KIF9: variants seen among roughly 807,000 people sequenced by gnomAD.
The protein encoded by KIF9 is kinesin-like protein KIF9.
A neutral mutation model predicts 94.8 loss-of-function variants in KIF9; 68 were observed. The ratio of observed to expected loss-of-function variants is 0.72; its 90% confidence interval spans 0.59 to 0.88. The LOEUF (loss-of-function observed/expected upper bound fraction) is 0.88. KIF9 is among the 40% of genes least tolerant of loss of function. The pLI, the probability that KIF9 is intolerant of heterozygous loss-of-function variation, is 0.00. For synonymous variants in KIF9, 343 were observed against 362.1 expected (o/e 0.95, Z 0.60); for missense variants, 882 against 982.5 (o/e 0.90, Z 1.37).
At position 47,256,217 on chromosome 3, in the gene KIF9, G is replaced by A. The variant is rs536127595; in HGVS notation, c.1059+1266C>T. 7.1e-3 allele frequency among the ~76,000 whole-genome samples: 1,078 copies of A among 152,098 alleles called. 16 individuals carry two copies. The highest frequency in any genetic ancestry group is 0.024 in the African/African-American group (1,012 of 41,478). The stretch of plus-strand genomic sequence containing the variant: ...AAGTGAGGAGCGTCTCTGCGTGGCC[G>A]CCCATCGTCTGGGATGTGAGGAGCC... On this transcript the variant is annotated intron_variant, in intron 10 of 20. Coordinates refer to ENST00000684063, the MANE Select transcript of KIF9 (RefSeq NM_182902.4).
intron 20 of KIF9, chr3:47,231,664 GC>G (rs1040667208): frequency 9.9e-5 from 15 of 151,938 alleles, no homozygotes; most frequent in African/African-American, 3.6e-4. Context: ...CAAGTGATCT[GC>G]CCGCCTCAGC....
At chr3:47,273,798 C>T in intron 3 of KIF9, 140 bp from the exon 4 acceptor site, 1 of 744,654 alleles carries the variant, frequency 1.3e-6, no homozygotes, top group South Asian at 1.5e-5. Context: ...TCAGGAATTC[C>T]ACCATGGAAG....
intron 17 of KIF9, among the ~76,000 whole-genome samples, chr3:47,238,132 CAA>C (rs1352681660): frequency 6.6e-6 from 1 of 152,064 alleles, no homozygotes; most frequent in East Asian, 1.9e-4. Flanking sequence ...TTACTGGCCT[CAA>C]GTTCTTTTAC....
chr3:47,263,119 A>AC (rs1701086550), intron 9 of KIF9, among the ~76,000 whole-genome samples: 1 of 151,180 alleles, frequency 6.6e-6, no homozygotes, highest in African/African-American at 2.4e-5. Context: ...CTGGTCTTGA[A>AC]CTCCTGACCT....
intron 10 of KIF9, among the ~76,000 whole-genome samples, chr3:47,251,698 A>C (rs1405706988): frequency 6.6e-6 from 1 of 152,244 alleles, no homozygotes; most frequent in Admixed American, 6.5e-5. Flanking sequence ...AATTCTGCTT[A>C]AGCTGCACAT....
chr3:47,260,119 C>T (rs1453877048), intron 9 of KIF9, among the ~76,000 whole-genome samples: 1 of 129,196 alleles, frequency 7.7e-6, no homozygotes, highest in Non-Finnish European at 1.6e-5. Flanking sequence ...CGCCTTAGGG[C>T]TGGAGGTGGG....
intron 9 of KIF9, chr3:47,263,840 C>T (rs1361015654): frequency 1.1e-5 from 5 of 456,852 alleles, no homozygotes; most frequent in South Asian, 7.7e-5. Context: ...TACCATGGTG[C>T]ACATGGCAGG....
intron 17 of KIF9, 103 bp downstream of exon 17, chr3:47,240,698 G>T: frequency 2.1e-6 from 2 of 944,932 alleles, no homozygotes; most frequent in Non-Finnish European, 1.7e-6. Flanking sequence ...CACCCCCACT[G>T]GCCCCCTCCC....
chr3:47,278,510 C>T (rs1427660791), intron 1 of KIF9, among the ~76,000 whole-genome samples: 2 of 152,120 alleles, frequency 1.3e-5, no homozygotes, highest in Admixed American at 6.5e-5. Flanking sequence ...GCTAAGACTA[C>T]AGGCGCATGG....
rs990389324 is a variant in KIF9, at chr3:47,275,543, T to TA, written c.94-54dup. 113 of 1,442,132 alleles carry TA rather than the reference T, an allele frequency of 7.8e-5. No homozygotes were observed. In the Admixed American group the frequency reaches 1.0e-3, roughly 13 times the overall value. The allele number at this position is 1,442,132 out of a possible 1,614,324, so 89.3% of individuals were successfully genotyped here. A position where few individuals can be genotyped will look rare whatever the true frequency, so the allele number is the denominator to read the frequency against. On this transcript the variant is annotated intron_variant, in intron 2 of 20. Transcript: ENST00000684063. ...AATGTTATTTGTTCAAAAATGGGTA[T>TA]AAAAAAAATCACTGATAGCTGAGGC...
intron 16 of KIF9, 44 bp from the exon 17 acceptor site, chr3:47,241,059 TG>T: frequency 5.8e-6 from 9 of 1,559,114 alleles, no homozygotes; most frequent in Non-Finnish European, 8.0e-6. Flanking sequence ...ATGAGGTGGC[TG>T]CCTTGGAGCC....
intron 5 of KIF9, among the ~76,000 whole-genome samples, chr3:47,268,584 CT>C (rs560574291): frequency 3.1e-3 from 432 of 137,206 alleles, no homozygotes; most frequent in Middle Eastern, 7.6e-3. Context: ...TTTTCTTCTT[CT>C]TTTTTTTTTT....
chr3:47,237,163 C>T (rs1182868945), intron 17 of KIF9, among the ~76,000 whole-genome samples: 11 of 152,144 alleles, frequency 7.2e-5, no homozygotes, highest in African/African-American at 1.9e-4. Context: ...GGCACAATCT[C>T]GGCTCACTGC....
intron 19 of KIF9, 36 bp downstream of exon 19, chr3:47,235,998 C>A: frequency 6.7e-7 from 1 of 1,490,862 alleles, no homozygotes; most frequent in South Asian, 1.1e-5. Context: ...GCCCCATGTT[C>A]AACCACTGCC....
rs1352444326 is a variant in KIF9, at chr3:47,277,395, C to T, written c.-5-16G>A. 1.3e-6 allele frequency: 2 copies of T among 1,577,896 alleles called. No homozygotes were observed. Among genetic ancestry groups the T allele is most frequent in the Middle Eastern group, 3.3e-4 (2 of 5,994 alleles). ...CCCATTCTAGCTAAAAAGAAGGGAA[C>T]AATGAAATTTTGAGTAGTCATTATC... On this transcript the variant is annotated splice_polypyrimidine_tract_variant and intron_variant, in intron 1 of 20. Transcript: ENST00000684063.
At chr3:47,247,795 C>T (rs958329581) in intron 11 of KIF9, among the ~76,000 whole-genome samples, 6 of 152,182 alleles carry the variant, frequency 3.9e-5, no homozygotes, top group Non-Finnish European at 5.9e-5. Context: ...GGGAGGCATG[C>T]GCTGCCTCTG....
At chr3:47,279,773 A>C (rs1576103949) in intron 1 of KIF9, among the ~76,000 whole-genome samples, 1 of 151,534 alleles carries the variant, frequency 6.6e-6, no homozygotes, top group East Asian at 2.0e-4. Flanking sequence ...CCCGCCACCA[A>C]GCCCCGCTAA....
At chr3:47,245,145 A>G (rs945775822) in intron 14 of KIF9, 4 of 613,342 alleles carry the variant, frequency 6.5e-6, no homozygotes, top group Non-Finnish European at 1.1e-5. Context: ...CCAGTATGGC[A>G]CCTCATTCCA....
chr3:47,264,923 A>C (rs1362752822), intron 8 of KIF9, among the ~76,000 whole-genome samples: 1 of 152,212 alleles, frequency 6.6e-6, no homozygotes, highest in East Asian at 1.9e-4. Context: ...CTTTCTTTCC[A>C]TGTGAGGATA....
Sources: gnomAD v4.1 joint callset for allele counts (sites outside exome capture counted in the v4.1 genomes callset) on GRCh38, gnomAD v4.1.1 for gene constraint, MANE v1.5 for transcripts, NCBI Gene and HGNC (gene_info 2026-07-23, HGNC 2026-07-21) for gene names.